ROBO2: variants seen among roughly 807,000 people sequenced by gnomAD.
The protein encoded by ROBO2 is roundabout guidance receptor 2.
ROBO2 carries 53 observed loss-of-function variants against 160.8 expected under a neutral mutation model. The observed-to-expected ratio is 0.33, with a 90% CI of 0.26 to 0.41. The LOEUF is 0.41. ROBO2 is among the 10% of genes least tolerant of loss of function. The pLI, the probability that ROBO2 is intolerant of heterozygous loss-of-function variation, is 1.00. For missense variants in ROBO2, 1,577 were observed against 1,722.4 expected, an observed-to-expected ratio of 0.92 and a Z score of 1.49; for synonymous variants, 664 against 611.7, an observed-to-expected ratio of 1.09 and a Z score of -1.26.
chr3:76,540,301 A>T (rs1481796181), intron 2 of ROBO2, among the ~76,000 whole-genome samples: 1 of 152,174 alleles, frequency 6.6e-6, no homozygotes, highest in Non-Finnish European at 1.5e-5. Flanking sequence ...ATGTGTGGGA[A>T]ATGGAATTAG....
chr3:77,179,756 C>T (rs1222494372), intron 2 of ROBO2, among the ~76,000 whole-genome samples: 1 of 151,944 alleles, frequency 6.6e-6, no homozygotes, highest in Non-Finnish European at 1.5e-5. Context: ...ATAAACAAAA[C>T]AGAAACAAAG....
chr3:76,578,532 G>A (rs1338392253), intron 2 of ROBO2, among the ~76,000 whole-genome samples: 7 of 151,990 alleles, frequency 4.6e-5, no homozygotes, highest in South Asian at 4.2e-4. Flanking sequence ...TGGACTCTTC[G>A]ATCATCATCC....
intron 2 of ROBO2, among the ~76,000 whole-genome samples, chr3:77,291,936 G>A (rs549115512): frequency 1.5e-4 from 23 of 150,718 alleles, no homozygotes; most frequent in East Asian, 5.9e-4. Flanking sequence ...TAAAATTGAC[G>A]GCTAAAAGTG....
chr3:76,921,035 T>C (rs1444506723), intron 2 of ROBO2, among the ~76,000 whole-genome samples: 1 of 151,924 alleles, frequency 6.6e-6, no homozygotes, highest in Non-Finnish European at 1.5e-5. Flanking sequence ...GAATGGAGGG[T>C]GGGGGGAAAT....
At chr3:77,621,116 T>G (rs1316335041) in intron 22 of ROBO2, among the ~76,000 whole-genome samples, 2 of 152,118 alleles carry the variant, frequency 1.3e-5, no homozygotes, top group Non-Finnish European at 2.9e-5. Flanking sequence ...AATTTGACCT[T>G]CACTTTAATA....
At chr3:76,927,036 G>A (rs536088942) in intron 2 of ROBO2, among the ~76,000 whole-genome samples, 1 of 152,198 alleles carries the variant, frequency 6.6e-6, no homozygotes, top group African/African-American at 2.4e-5. Flanking sequence ...TGAGATTACT[G>A]ACGGAAGACA....
intron 2 of ROBO2, among the ~76,000 whole-genome samples, chr3:75,941,604 A>G (rs2107077192): frequency 6.6e-6 from 1 of 152,322 alleles, no homozygotes; most frequent in Middle Eastern, 3.4e-3. Flanking sequence ...AGTGGCGCTT[A>G]CAACTGTAGG....
At chr3:77,175,105 T>C (rs2080013874) in intron 2 of ROBO2, among the ~76,000 whole-genome samples, 2 of 152,080 alleles carry the variant, frequency 1.3e-5, no homozygotes, top group African/African-American at 4.8e-5. Context: ...TGTATTACTA[T>C]TCTCATTCTG....
In ROBO2 at chr3:76,647,309, A is replaced by G. The variant is rs145798169; in HGVS notation, c.110-450705A>G. Among the ~76,000 whole-genome samples the G allele has an allele frequency of 1.4e-3, 211 of 152,272 alleles. 2 individuals carry two copies. In the South Asian group the frequency reaches 0.021, roughly 15 times the overall value. On this transcript the variant is annotated intron_variant, in intron 2 of 26. Coordinates refer to the ROBO2 transcript ENST00000487694. ...CCGTGGTTCAAATGAAGAAGTTCCC[A>G]AGAATTGTACAGACAAAGCCCTTCC...
chr3:77,057,896 C>T (rs114946246), intron 1 of ROBO2, among the ~76,000 whole-genome samples: 2,522 of 151,906 alleles, frequency 0.017, 57 homozygotes, highest in African/African-American at 0.057. Context: ...ATGTGGCTGA[C>T]GGGTTGATAG....
intron 2 of ROBO2, among the ~76,000 whole-genome samples, chr3:76,169,404 C>T (rs1441267665): frequency 1.3e-5 from 2 of 152,106 alleles, no homozygotes; most frequent in African/African-American, 2.4e-5. Flanking sequence ...GGGTAGCATG[C>T]GTGGGGCTTT....
At chr3:76,049,403 A>ATATATATTTT (rs1414664360) in intron 2 of ROBO2, among the ~76,000 whole-genome samples, 1 of 53,762 alleles carries the variant, frequency 1.9e-5, no homozygotes, top group East Asian at 6.3e-4. Context: ...ATATATATAT[A>ATATATATTTT]TTTTTTTTTT....
At chr3:76,766,527 T>C (rs1221097532) in intron 2 of ROBO2, among the ~76,000 whole-genome samples, 3 of 151,828 alleles carry the variant, frequency 2.0e-5, no homozygotes, top group Middle Eastern at 3.4e-3. Flanking sequence ...GGGAACATCA[T>C]ATAAAATATG....
intron 2 of ROBO2, among the ~76,000 whole-genome samples, chr3:76,269,523 T>A (rs1244719316): frequency 6.6e-6 from 1 of 151,960 alleles, no homozygotes; most frequent in Non-Finnish European, 1.5e-5. Flanking sequence ...GTTTACCTAC[T>A]TTTTGTCTCA....
intron 2 of ROBO2, among the ~76,000 whole-genome samples, chr3:76,009,528 A>G (rs533310724): frequency 5.9e-5 from 9 of 152,312 alleles, no homozygotes; most frequent in East Asian, 1.9e-4. Context: ...TCTGAACCCA[A>G]TGCTCTGGGG....
intron 2 of ROBO2, chr3:76,435,328 C>A: frequency 1.2e-6 from 1 of 835,432 alleles, no homozygotes; most frequent in Non-Finnish European, 2.1e-6. Context: ...CTCATTCCTA[C>A]AGAAGGCGGT....
intron 2 of ROBO2, among the ~76,000 whole-genome samples, chr3:76,816,890 T>TA (rs961281330): frequency 3.3e-5 from 5 of 151,542 alleles, no homozygotes; most frequent in Admixed American, 6.6e-5. Flanking sequence ...TATGTAGCCA[T>TA]AAAAAAAAGG....
intron 2 of ROBO2, among the ~76,000 whole-genome samples, chr3:76,006,078 C>T (rs182039473): frequency 1.0e-3 from 152 of 152,144 alleles, no homozygotes; most frequent in African/African-American, 3.4e-3. Context: ...AGTATCTTGT[C>T]CTTATGCATT....
At chr3:76,798,086 A>G (rs2063833632) in intron 2 of ROBO2, among the ~76,000 whole-genome samples, 1 of 151,034 alleles carries the variant, frequency 6.6e-6, no homozygotes, top group Non-Finnish European at 1.5e-5. Context: ...TACCAAAAAC[A>G]GACAAAGACA....
Sources: gnomAD v4.1 joint callset for allele counts (sites outside exome capture counted in the v4.1 genomes callset) on GRCh38, gnomAD v4.1.1 for gene constraint, MANE v1.5 for transcripts, NCBI Gene and HGNC (gene_info 2026-07-23, HGNC 2026-07-21) for gene names.